UNC93A: variants seen among roughly 807,000 people sequenced by gnomAD.
The protein encoded by UNC93A is N-acetylglucosamine transporter UNC93A.
In UNC93A, 43 loss-of-function variants were observed where a neutral mutation model predicts 47.5. The ratio of observed to expected loss-of-function variants is 0.91; its 90% CI spans 0.71 to 1.17. The LOEUF is 1.17. Ranked by LOEUF, UNC93A falls within the 50% of genes most tolerant of loss-of-function variation. The probability of loss-of-function intolerance (pLI) is 0.00; values close to 1 mark genes in which losing one functional copy is unlikely to be tolerated. For missense variants in UNC93A, 605 were observed against 577.6 expected (o/e 1.05, Z -0.49); for synonymous variants, 280 against 258.0 (o/e 1.09, Z -0.82).
chr6:167,280,386 T>G (rs1272491108), intron 1 of UNC93A, among the ~76,000 whole-genome samples: 4 of 152,166 alleles, frequency 2.6e-5, no homozygotes, highest in Non-Finnish European at 5.9e-5. Flanking sequence ...ACATATGAAT[T>G]ACTTGCTGTT....
intron 2 of UNC93A, among the ~76,000 whole-genome samples, chr6:167,295,758 C>T (rs1358856594): frequency 2.6e-5 from 4 of 152,206 alleles, no homozygotes; most frequent in African/African-American, 9.7e-5. Flanking sequence ...TCGTGCTCCT[C>T]ACCTTGTTGT....
intron 2 of UNC93A, among the ~76,000 whole-genome samples, chr6:167,295,444 G>A (rs1488721485): frequency 2.0e-5 from 2 of 102,534 alleles, no homozygotes; most frequent in Non-Finnish European, 3.6e-5. Context: ...GGCCTCCCTC[G>A]TGCTCCTCGC....
At chr6:167,305,518 A>C (rs1173909769) in intron 5 of UNC93A, among the ~76,000 whole-genome samples, 1 of 150,788 alleles carries the variant, frequency 6.6e-6, no homozygotes, top group Non-Finnish European at 1.5e-5. Flanking sequence ...GCCCCGGAAG[A>C]GGTGTCAGGG....
At chr6:167,281,007 T>C (rs1335692989) in intron 1 of UNC93A, among the ~76,000 whole-genome samples, 1 of 152,146 alleles carries the variant, frequency 6.6e-6, no homozygotes, top group Non-Finnish European at 1.5e-5. Context: ...TCAACCTATT[T>C]TTCAGAGGTT....
At chr6:167,307,575 C>T (rs925486279) in intron 6 of UNC93A, among the ~76,000 whole-genome samples, 17 of 147,892 alleles carry the variant, frequency 1.1e-4, no homozygotes, top group African/African-American at 3.6e-4. Context: ...TTCCAGAGGA[C>T]GGTTGAGATA....
At chr6:167,281,461 G>A (rs961242138) in intron 1 of UNC93A, among the ~76,000 whole-genome samples, 1 of 152,226 alleles carries the variant, frequency 6.6e-6, no homozygotes, top group Admixed American at 6.5e-5. Flanking sequence ...GCAGCCAGGA[G>A]GCCTAGCAAC....
chr6:167,282,574 A>G (rs1783651884), intron 1 of UNC93A, among the ~76,000 whole-genome samples: 2 of 152,144 alleles, frequency 1.3e-5, no homozygotes, highest in African/African-American at 4.8e-5. Context: ...TTTTGTAGCA[A>G]ATGTTCAAGA....
intron 7 of UNC93A, among the ~76,000 whole-genome samples, chr6:167,314,905 G>GTTC (rs1778649934): frequency 6.6e-6 from 1 of 152,122 alleles, no homozygotes; most frequent in Non-Finnish European, 1.5e-5. Context: ...TCTACAGTGT[G>GTTC]TTCTGACCAC....
At chr6:167,270,866 G>T (rs1783440331), upstream of UNC93A, among the ~76,000 whole-genome samples, 1 of 152,224 alleles carries the variant, frequency 6.6e-6, no homozygotes, top group Non-Finnish European at 1.5e-5. Flanking sequence ...GACACCGTGG[G>T]TGCAGACTCC....
intron 7 of UNC93A, 47 bp downstream of exon 7, chr6:167,307,957 T>A (rs1288252187): frequency 6.2e-7 from 1 of 1,606,408 alleles, no homozygotes; most frequent in Middle Eastern, 1.7e-4. Context: ...CAGGGGGCGG[T>A]CCCTGGCCAA....
At chr6:167,302,650 A>G (rs1778275087) in intron 4 of UNC93A, among the ~76,000 whole-genome samples, 1 of 152,204 alleles carries the variant, frequency 6.6e-6, no homozygotes, top group Non-Finnish European at 1.5e-5. Flanking sequence ...TGGTGGGCAG[A>G]TGGAGATTTA....
chr6:167,277,638 TCTCTGTCTCC>T (rs1464302392), intron 1 of UNC93A, among the ~76,000 whole-genome samples: 1 of 152,060 alleles, frequency 6.6e-6, no homozygotes, highest in East Asian at 1.9e-4. Context: ...ACTTTCTCTC[TCTCTGTCTCC>T]CTCTGTCTCT....
intron 4 of UNC93A, among the ~76,000 whole-genome samples, chr6:167,301,344 G>T (rs1009593): frequency 2.0e-5 from 3 of 151,996 alleles, no homozygotes; most frequent in Non-Finnish European, 4.4e-5. Context: ...ATGAAGAAGT[G>T]GTCTTACTAT....
At chr6:167,311,389 T>A (rs954065189) in intron 7 of UNC93A, among the ~76,000 whole-genome samples, 2 of 152,140 alleles carry the variant, frequency 1.3e-5, no homozygotes, top group African/African-American at 4.8e-5. Context: ...GCTCCAGCCA[T>A]CCCCTGGCCT....
chr6:167,306,608 G>A (rs1778400469), intron 6 of UNC93A, among the ~76,000 whole-genome samples: 1 of 152,216 alleles, frequency 6.6e-6, no homozygotes, highest in Admixed American at 6.5e-5. Context: ...GCATGTCAAT[G>A]CCCCAGGCAG....
rs565715771 is a variant in UNC93A at position 167,306,216 on chromosome 6, A to C, written c.976+166A>C. On this transcript the variant is annotated intron_variant, in intron 6 of 7. Coordinates refer to ENST00000230256, the MANE Select transcript of UNC93A (RefSeq NM_018974.4). ...CTTTCAGTCCTTTCTTCACCCCCTC[A>C]ACAAGCAGGAATCAGATCTCTCCCC... is the stretch of plus-strand genomic sequence containing the variant. 5.9e-5 allele frequency among the ~76,000 whole-genome samples: 9 copies of C among 152,242 alleles called. No individual in the cohort carries two copies. In the South Asian group the frequency reaches 6.2e-4, roughly 11 times the overall value.
At chr6:167,303,831 A>T (rs1365451006) in intron 4 of UNC93A, 88 bp from the exon 5 acceptor site, 4 of 1,289,704 alleles carry the variant, frequency 3.1e-6, no homozygotes, top group Non-Finnish European at 4.5e-6. Flanking sequence ...CCCTCGCGAG[A>T]GGAGGATGAG....
chr6:167,279,157 G>A (rs1204323025), intron 1 of UNC93A, among the ~76,000 whole-genome samples: 1 of 152,172 alleles, frequency 6.6e-6, no homozygotes, highest in African/African-American at 2.4e-5. Context: ...TGTTTCAGTG[G>A]AAATCTATGG....
chr6:167,312,471 C>T (rs537330604), intron 7 of UNC93A, among the ~76,000 whole-genome samples: 11 of 152,318 alleles, frequency 7.2e-5, no homozygotes, highest in South Asian at 6.2e-4. Flanking sequence ...CCCTTCTCCC[C>T]GATGTATTTA....
Sources: allele counts gnomAD v4.1 joint callset (sites outside exome capture counted in the v4.1 genomes callset), GRCh38; gene constraint gnomAD v4.1.1; transcripts MANE v1.5; gene names NCBI Gene and HGNC (gene_info 2026-07-23, HGNC 2026-07-21).